BAZ2B: variants seen among roughly 807,000 people sequenced by gnomAD.
BAZ2B encodes the protein bromodomain adjacent to zinc finger domain protein 2B.
In BAZ2B, 91 loss-of-function variants were observed where a neutral mutation model predicts 246.0. The observed-to-expected ratio is 0.37, with a 90% CI of 0.31 to 0.44. The LOEUF (loss-of-function observed/expected upper bound fraction) is 0.44, where lower values mean the gene tolerates loss of function less well. BAZ2B is among the 20% of genes least tolerant of loss of function. BAZ2B has a pLI of 1.00. For synonymous variants in BAZ2B, 855 were observed against 860.0 expected (o/e 0.99, Z 0.10); for missense variants, 2,332 against 2,533.7 (o/e 0.92, Z 1.71).
At chr2:159,414,496 T>C (rs1240230168) in intron 13 of BAZ2B, among the ~76,000 whole-genome samples, 1 of 152,204 alleles carries the variant, frequency 6.6e-6, no homozygotes, top group Non-Finnish European at 1.5e-5. Context: ...TCTGATGTTA[T>C]TATTTTGCAC....
At chr2:159,530,325 T>C (rs1308115865) in intron 2 of BAZ2B, among the ~76,000 whole-genome samples, 1 of 152,254 alleles carries the variant, frequency 6.6e-6, no homozygotes, top group Non-Finnish European at 1.5e-5. Flanking sequence ...CTCTTCAGTA[T>C]AGATCAACTG....
intron 2 of BAZ2B, among the ~76,000 whole-genome samples, chr2:159,487,021 G>A (rs2079916832): frequency 6.6e-6 from 1 of 152,096 alleles, no homozygotes; most frequent in Non-Finnish European, 1.5e-5. Context: ...ATTTGTAACT[G>A]TATTTACTTC....
chr2:159,702,462 T>C, the BAZ2B span, among the ~76,000 whole-genome samples: 2 of 152,222 alleles, frequency 1.3e-5, no homozygotes, highest in Non-Finnish European at 2.9e-5. Context: ...ATTTAATTAA[T>C]GACTCATTCT....
chr2:159,467,002 A>G (rs972048171), intron 3 of BAZ2B, among the ~76,000 whole-genome samples: 2 of 152,208 alleles, frequency 1.3e-5, no homozygotes, highest in African/African-American at 2.4e-5. Context: ...TAATTATTAT[A>G]ATATCTCAGG....
upstream of BAZ2B, among the ~76,000 whole-genome samples, chr2:159,620,563 G>C (rs1696390529): frequency 6.6e-6 from 1 of 152,180 alleles, no homozygotes; most frequent in African/African-American, 2.4e-5. Flanking sequence ...CTTTATCAAA[G>C]AGATGTTATT....
intron 2 of BAZ2B, among the ~76,000 whole-genome samples, chr2:159,493,694 T>C (rs1421151637): frequency 6.6e-6 from 1 of 152,226 alleles, no homozygotes; most frequent in Non-Finnish European, 1.5e-5. Flanking sequence ...CTTAAACTAT[T>C]CACTCAGAAG....
At chr2:159,363,831 A>G (rs1337534102) in intron 27 of BAZ2B, among the ~76,000 whole-genome samples, 2 of 152,154 alleles carry the variant, frequency 1.3e-5, no homozygotes, top group Non-Finnish European at 2.9e-5. Flanking sequence ...TTGAATAATT[A>G]TTGGGAGAGG....
chr2:159,357,747 T>A (rs148937208), intron 27 of BAZ2B, among the ~76,000 whole-genome samples: 1,987 of 152,280 alleles, frequency 0.013, 47 homozygotes, highest in East Asian at 0.069. Flanking sequence ...GGGAAACCCA[T>A]CAGACTAACA....
chr2:159,512,817 C>T (rs2083067654), intron 2 of BAZ2B, among the ~76,000 whole-genome samples: 1 of 152,128 alleles, frequency 6.6e-6, no homozygotes, highest in South Asian at 2.1e-4. Context: ...ATTCAAAGAA[C>T]AACAACAAAT....
the BAZ2B span, among the ~76,000 whole-genome samples, chr2:159,665,836 A>G: frequency 6.6e-6 from 1 of 152,236 alleles, no homozygotes; most frequent in Non-Finnish European, 1.5e-5. Flanking sequence ...GTCCACCATC[A>G]GTGTTTGCAA....
chr2:159,668,471 A>G, the BAZ2B span, among the ~76,000 whole-genome samples: 1 of 152,132 alleles, frequency 6.6e-6, no homozygotes, highest in African/African-American at 2.4e-5. Flanking sequence ...ACTCCTTTTC[A>G]GGTTAAGAAG....
chr2:159,702,116 A>T, the BAZ2B span, among the ~76,000 whole-genome samples: 142,303 of 152,286 alleles, frequency 0.93, 66,616 homozygotes, highest in African/African-American at 0.97. Flanking sequence ...TCTGACAAAG[A>T]TTAAATTCTA....
At chr2:159,583,495 T>A (rs1687323002) in intron 1 of BAZ2B, among the ~76,000 whole-genome samples, 1 of 152,026 alleles carries the variant, frequency 6.6e-6, no homozygotes, top group Non-Finnish European at 1.5e-5. Flanking sequence ...ACTGCAGGAG[T>A]CACAGCACTT....
chr2:159,645,656 T>A, the BAZ2B span, among the ~76,000 whole-genome samples: 129 of 152,208 alleles, frequency 8.5e-4, no homozygotes, highest in Middle Eastern at 0.044. Flanking sequence ...CTGCCCCCGA[T>A]AGTCACGTAG....
At chr2:159,338,064 A>G (rs2065961053) in intron 31 of BAZ2B, among the ~76,000 whole-genome samples, 1 of 152,252 alleles carries the variant, frequency 6.6e-6, no homozygotes, top group African/African-American at 2.4e-5. Flanking sequence ...TATCAGTTTC[A>G]TGGGATCACT....
At chr2:159,349,325 G>A (rs2058314778) in intron 28 of BAZ2B, 45 bp from the exon 29 acceptor site, 1 of 1,481,388 alleles carries the variant, frequency 6.8e-7, no homozygotes, top group Admixed American at 2.4e-5. Context: ...ATTACTCTAA[G>A]AAGTTAGGAA....
chr2:159,580,585 C>T (rs549522157), intron 1 of BAZ2B, among the ~76,000 whole-genome samples: 2 of 152,060 alleles, frequency 1.3e-5, no homozygotes, highest in Non-Finnish European at 2.9e-5. Flanking sequence ...CATATGGAAC[C>T]AAAAAAGAGC....
At chr2:159,543,727 G>C (rs2086943290) in intron 2 of BAZ2B, among the ~76,000 whole-genome samples, 2 of 152,082 alleles carry the variant, frequency 1.3e-5, no homozygotes. Flanking sequence ...GTAGAGACGA[G>C]GTTTTGCCAT....
rs187776531 is a variant in BAZ2B at position 159,361,456 on chromosome 2, T to A, written c.4214-11099A>T. Among the ~76,000 whole-genome samples, 51 of 152,298 alleles carry A rather than the reference T, an allele frequency of 3.3e-4. 2 individuals carry two copies. The East Asian group carries it at 8.1e-3, about 24-fold the overall frequency. On this transcript the variant is annotated intron_variant, in intron 27 of 36. Coordinates refer to ENST00000392783, the MANE Select transcript of BAZ2B (RefSeq NM_013450.4). ...CATTAAAAAGTCAGGAAACAACAGA[T>A]GCTGGCGAGGCTGTGGAGAAATAGG...
Sources: allele counts gnomAD v4.1 joint callset (sites outside exome capture counted in the v4.1 genomes callset), GRCh38; gene constraint gnomAD v4.1.1; transcripts MANE v1.5; gene names NCBI Gene and HGNC (gene_info 2026-07-23, HGNC 2026-07-21).